GARNL3: variants seen among roughly 807,000 people sequenced by gnomAD.
The protein encoded by GARNL3 is GTPase activating Rap/RanGAP domain like 3.
Under a neutral mutation model 125.0 loss-of-function variants are expected in GARNL3, and 63 were observed. The ratio of observed to expected loss-of-function variants is 0.50; its 90% CI spans 0.41 to 0.62. The LOEUF (loss-of-function observed/expected upper bound fraction) is 0.62. GARNL3 is among the 20% of genes least tolerant of loss of function. The pLI is 0.00. For synonymous variants in GARNL3, 439 were observed against 457.5 expected, an observed-to-expected ratio of 0.96 and a Z score of 0.52; for missense variants, 994 against 1,244.0, an observed-to-expected ratio of 0.80 and a Z score of 3.02.
rs1588866351 is a variant in GARNL3, at chr9:127,328,740, A to G, written c.595-3534A>G. 4.6e-5 allele frequency among the ~76,000 whole-genome samples: 7 copies of G among 152,250 alleles called. No individual in the cohort carries two copies. The South Asian group carries it at 1.2e-3, about 27-fold the overall frequency. The stretch of plus-strand genomic sequence containing the variant: ...CATTGGGACTTTAGTTTCCCCCCAT[A>G]GTTTGTTTTTCTCAGAAGAACTATA... On this transcript the variant is annotated intron_variant, in intron 7 of 27. Coordinates refer to ENST00000373387, the MANE Select transcript of GARNL3 (RefSeq NM_032293.5).
At chr9:127,225,073 G>A (rs2062878600) in intron 1 of GARNL3, among the ~76,000 whole-genome samples, 1 of 144,884 alleles carries the variant, frequency 6.9e-6, no homozygotes, top group Admixed American at 6.8e-5. Context: ...CGCGGGGCGG[G>A]GCTTGGGCCC....
intron 2 of GARNL3, among the ~76,000 whole-genome samples, chr9:127,244,399 G>T (rs2063260143): frequency 6.6e-6 from 1 of 152,212 alleles, no homozygotes; most frequent in African/African-American, 2.4e-5. Flanking sequence ...TCACATGCAT[G>T]AGGCTGTGTT....
chr9:127,326,581 TATA>T (rs2065580146), intron 7 of GARNL3, among the ~76,000 whole-genome samples: 1 of 152,174 alleles, frequency 6.6e-6, no homozygotes, highest in Non-Finnish European at 1.5e-5. Flanking sequence ...ACTACTAATA[TATA>T]ATACACCTAA....
intron 6 of GARNL3, among the ~76,000 whole-genome samples, chr9:127,321,287 G>C (rs2065391636): frequency 5.9e-5 from 9 of 152,084 alleles, no homozygotes; most frequent in Admixed American, 5.9e-4. Flanking sequence ...ACCTGCCACC[G>C]TGCCCAGCTA....
intron 2 of GARNL3, among the ~76,000 whole-genome samples, chr9:127,254,313 A>G (rs959476616): frequency 2.0e-5 from 3 of 152,354 alleles, no homozygotes; most frequent in African/African-American, 7.2e-5. Flanking sequence ...GGATTTCTTA[A>G]GTCAGAAAAA....
chr9:127,332,318 G>GCCATCATCTCAGCAC lies in GARNL3; in HGVS notation c.640_641insCATCATCTCAGCACC (p.Gly213_Gln214insProSerSerGlnHis). On this transcript the variant is annotated inframe_insertion, in exon 8 of 28. Transcript: ENST00000373387. The stretch of plus-strand genomic sequence containing the variant: ...TTGGGGTTCTTTTTGCCAAAGATGG[G>GCCATCATCTCAGCAC]CAGCTCACTGATGATGAGATGTTCA... 1 of 1,613,946 alleles carries GCCATCATCTCAGCAC rather than the reference G, an allele frequency of 6.2e-7. No homozygotes were observed. Among genetic ancestry groups the GCCATCATCTCAGCAC allele is most frequent in the Non-Finnish European group, 8.5e-7 (1 of 1,179,850 alleles).
At chr9:127,367,388 T>G (rs1048325664) in intron 22 of GARNL3, 3 of 152,208 alleles carry the variant, frequency 2.0e-5, no homozygotes, top group African/African-American at 7.2e-5. Flanking sequence ...AAAGCAAAAT[T>G]AAAAATAAAC....
At chr9:127,249,567 T>C (rs1451412244) in intron 2 of GARNL3, among the ~76,000 whole-genome samples, 5 of 152,034 alleles carry the variant, frequency 3.3e-5, no homozygotes, top group Non-Finnish European at 5.9e-5. Context: ...GCCTGGGTGA[T>C]AGAGTGAGAA....
At chr9:127,307,576 A>G (rs2064991486) in intron 2 of GARNL3, among the ~76,000 whole-genome samples, 3 of 152,254 alleles carry the variant, frequency 2.0e-5, no homozygotes, top group African/African-American at 7.2e-5. Context: ...TGCAGTGAAT[A>G]CATGGAGTTG....
intron 17 of GARNL3, among the ~76,000 whole-genome samples, chr9:127,349,316 G>A (rs1460515683): frequency 6.6e-6 from 1 of 151,804 alleles, no homozygotes; most frequent in East Asian, 1.9e-4. Context: ...CTCCTTTTCA[G>A]CCAATACTTA....
Position 127,354,984 on chromosome 9 carries a change from G to C in GARNL3, c.1760-313G>C, listed in dbSNP as rs565071778. On this transcript the variant is annotated intron_variant, in intron 19 of 27. Transcript: ENST00000373387. ...ACTTTTGTATTTTTAGTAGAGATGG[G>C]GTTCCCCCAAGTTGGCCAGGCTGGT... 7.9e-4 allele frequency among the ~76,000 whole-genome samples: 121 copies of C among 152,298 alleles called. 1 individual carries two copies. Among genetic ancestry groups the C allele is most frequent in the Middle Eastern group, 3.4e-3 (1 of 294 alleles).
chr9:127,336,875 G>C (rs541352456), intron 11 of GARNL3, among the ~76,000 whole-genome samples: 1 of 152,198 alleles, frequency 6.6e-6, no homozygotes, highest in African/African-American at 2.4e-5. Flanking sequence ...GACCATGACA[G>C]CAAAACCCAA....
chr9:127,231,044 A>ATTT (rs1311501205), intron 1 of GARNL3, among the ~76,000 whole-genome samples: 4 of 47,534 alleles, frequency 8.4e-5, no homozygotes, highest in Admixed American at 2.9e-4. Flanking sequence ...ACATATATAT[A>ATTT]TATATATTTT....
At chr9:127,338,409 G>A (rs967619743) in intron 12 of GARNL3, among the ~76,000 whole-genome samples, 3 of 152,114 alleles carry the variant, frequency 2.0e-5, no homozygotes, top group African/African-American at 7.2e-5. Context: ...ATGGGAACAG[G>A]TTTGATATAT....
At chr9:127,277,415 C>T (rs187778048) in intron 1 of GARNL3, among the ~76,000 whole-genome samples, 11 of 149,370 alleles carry the variant, frequency 7.4e-5, no homozygotes, top group African/African-American at 2.7e-4. Context: ...CTAGTGTGTC[C>T]GTGTCCTCAG....
Position 127,385,750 on chromosome 9 carries a change from C to T in GARNL3, c.2388+605C>T, listed in dbSNP as rs568133677. ...TGGGCTGGCTCCCCCGCTGTGTCCCCTGTTCCCTTCCCTGGTCCTGACATC... is the reference window on the plus strand; with the variant it reads ...TGGGCTGGCTCCCCCGCTGTGTCCCTTGTTCCCTTCCCTGGTCCTGACATC... On this transcript the variant is annotated intron_variant, in intron 24 of 27. Transcript: ENST00000373387. The surrounding 1 kb of genome is among the most constrained non-coding windows in gnomAD (Gnocchi z 4.1). Among the ~76,000 whole-genome samples the T allele has an allele frequency of 2.0e-5, 3 of 152,338 alleles. No individual in the cohort carries two copies. The highest frequency in any genetic ancestry group is 2.1e-4 in the South Asian group (1 of 4,824).
At chr9:127,371,863 G>A (rs959908458) in intron 22 of GARNL3, among the ~76,000 whole-genome samples, 11 of 152,296 alleles carry the variant, frequency 7.2e-5, no homozygotes, top group Non-Finnish European at 1.5e-4. Flanking sequence ...ACAAAGGTGC[G>A]AAGGCAGTTC....
At chr9:127,295,794 C>T (rs1374091259) in intron 2 of GARNL3, among the ~76,000 whole-genome samples, 3 of 151,966 alleles carry the variant, frequency 2.0e-5, no homozygotes, top group Non-Finnish European at 2.9e-5. Flanking sequence ...CACCAGGGAC[C>T]AGTTTTGTGG....
upstream of GARNL3, chr9:127,263,594 GA>G: frequency 1.4e-6 from 1 of 703,064 alleles, no homozygotes; most frequent in Non-Finnish European, 1.8e-6. Flanking sequence ...ATTTAATACA[GA>G]TTGGAATAGA....
Sources: allele counts gnomAD v4.1 joint callset (sites outside exome capture counted in the v4.1 genomes callset), GRCh38; gene constraint gnomAD v4.1.1; non-coding constraint Gnocchi (gnomAD v3.1); transcripts MANE v1.5; gene names NCBI Gene and HGNC (gene_info 2026-07-23, HGNC 2026-07-21).